Variants in GALNTL6 observed in about 807,000 individuals in gnomAD.
GALNTL6 encodes the protein polypeptide N-acetylgalactosaminyltransferase like 6.
Under a neutral mutation model 73.7 loss-of-function variants are expected in GALNTL6, and 46 were observed. The observed-to-expected ratio is 0.62, with a 90% CI of 0.49 to 0.80. The LOEUF (loss-of-function observed/expected upper bound fraction) is 0.80. Ranked by LOEUF, GALNTL6 falls within the 30% of genes least tolerant of loss-of-function variation. GALNTL6 has a pLI of 0.00. For synonymous variants in GALNTL6, 259 were observed against 263.7 expected (o/e 0.98, Z 0.17); for missense variants, 604 against 755.0 (o/e 0.80, Z 2.34).
At chr4:172,676,575 G>A (rs949690519) in intron 5 of GALNTL6, among the ~76,000 whole-genome samples, 6 of 152,094 alleles carry the variant, frequency 3.9e-5, no homozygotes, top group African/African-American at 9.7e-5. Flanking sequence ...TATTGGTTCC[G>A]CTTTCTTATA....
intron 2 of GALNTL6, among the ~76,000 whole-genome samples, chr4:171,953,895 G>A (rs1038065883): frequency 7.9e-5 from 12 of 152,018 alleles, no homozygotes; most frequent in Non-Finnish European, 1.8e-4. Context: ...CAATTGGTGA[G>A]GAATACATTT....
chr4:172,432,497 A>C (rs535412710), intron 5 of GALNTL6, among the ~76,000 whole-genome samples: 5 of 152,186 alleles, frequency 3.3e-5, no homozygotes, highest in African/African-American at 7.2e-5. Flanking sequence ...CTCATCTCAG[A>C]ACTTTTCTGA....
At position 172,328,046 on chromosome 4, in the gene GALNTL6, T is replaced by C. The variant is rs181746959; in HGVS notation, c.386+16294T>C. On this transcript the variant is annotated intron_variant, in intron 4 of 12. Coordinates refer to ENST00000506823, the MANE Select transcript of GALNTL6 (RefSeq NM_001034845.3). The stretch of plus-strand genomic sequence containing the variant: ...AACAATCTTCCCTTTTCATATTTAG[T>C]GCTCTTTTCAGGATTTTTTATAAGG... 7.8e-3 allele frequency among the ~76,000 whole-genome samples: 1,182 copies of C among 152,234 alleles called. 11 individuals are homozygous for C. The highest frequency in any genetic ancestry group is 0.013 in the Non-Finnish European group (904 of 67,992).
At chr4:172,760,706 T>C (rs1738032326) in intron 5 of GALNTL6, among the ~76,000 whole-genome samples, 1 of 152,160 alleles carries the variant, frequency 6.6e-6, no homozygotes, top group African/African-American at 2.4e-5. Flanking sequence ...TTCAGCCAGC[T>C]GCACTCACAC....
At chr4:172,232,392 G>A (rs1178317101) in intron 3 of GALNTL6, among the ~76,000 whole-genome samples, 2 of 151,682 alleles carry the variant, frequency 1.3e-5, no homozygotes, top group African/African-American at 2.4e-5. Flanking sequence ...CTAGGTCAAT[G>A]TGTGAAATGT....
chr4:172,822,164 C>A (rs1020420502), intron 7 of GALNTL6, among the ~76,000 whole-genome samples: 2 of 152,154 alleles, frequency 1.3e-5, no homozygotes, highest in Non-Finnish European at 2.9e-5. Flanking sequence ...CTTAAATTAG[C>A]AATCCCTGTT....
chr4:172,958,217 A>G (rs1749853228), intron 10 of GALNTL6, among the ~76,000 whole-genome samples: 1 of 152,214 alleles, frequency 6.6e-6, no homozygotes, highest in Non-Finnish European at 1.5e-5. Context: ...AGGGCCTCTA[A>G]AAGTATTAGG....
At chr4:172,911,792 T>A (rs1040255107) in intron 8 of GALNTL6, among the ~76,000 whole-genome samples, 1 of 152,220 alleles carries the variant, frequency 6.6e-6, no homozygotes, top group African/African-American at 2.4e-5. Context: ...CTAGGGGCAA[T>A]TATGAATTCC....
intron 10 of GALNTL6, among the ~76,000 whole-genome samples, chr4:173,001,509 T>C (rs1420543922): frequency 6.6e-6 from 1 of 152,028 alleles, no homozygotes; most frequent in African/African-American, 2.4e-5. Flanking sequence ...AGAAAACAAA[T>C]AGATAAATTG....
intron 7 of GALNTL6, among the ~76,000 whole-genome samples, chr4:172,872,795 T>C (rs919430373): frequency 1.3e-5 from 2 of 152,232 alleles, no homozygotes; most frequent in African/African-American, 4.8e-5. Flanking sequence ...GCATTTCCTC[T>C]TTTCTTGACT....
chr4:172,385,184 A>G (rs1561058682), intron 5 of GALNTL6, among the ~76,000 whole-genome samples: 1 of 151,938 alleles, frequency 6.6e-6, no homozygotes. Flanking sequence ...TTATCGAGGT[A>G]TGTTTTATAG....
At chr4:172,245,797 A>G (rs564009731) in intron 3 of GALNTL6, among the ~76,000 whole-genome samples, 1 of 152,248 alleles carries the variant, frequency 6.6e-6, no homozygotes, top group African/African-American at 2.4e-5. Flanking sequence ...TACCCACTAG[A>G]GAAGGAAAAG....
rs902860013 is a variant in GALNTL6 at position 172,062,488 on chromosome 4, A to G, written c.139-167168A>G. Among the ~76,000 whole-genome samples, 9 of 152,180 alleles carry G rather than the reference A, an allele frequency of 5.9e-5. 1 individual carries two copies. The highest frequency in any genetic ancestry group is 2.0e-4 in the Admixed American group (3 of 15,276). On this transcript the variant is annotated intron_variant, in intron 2 of 12. Transcript: ENST00000506823. ...CTTTCCCCAACCTCATGTCCCCAAA[A>G]CACACACATGTATTTTCTCCCTTCG...
intron 2 of GALNTL6, among the ~76,000 whole-genome samples, chr4:172,078,671 T>C (rs1484916317): frequency 2.6e-5 from 4 of 152,192 alleles, no homozygotes; most frequent in Non-Finnish European, 5.9e-5. Flanking sequence ...GTAGAACTAG[T>C]ATTTTAATAT....
intron 5 of GALNTL6, among the ~76,000 whole-genome samples, chr4:172,603,831 T>C (rs538739428): frequency 6.6e-6 from 1 of 152,306 alleles, no homozygotes; most frequent in South Asian, 2.1e-4. Context: ...GCACACACTA[T>C]GGTGACTTAG....
At chr4:171,853,392 C>T (rs1735582779) in intron 2 of GALNTL6, among the ~76,000 whole-genome samples, 1 of 151,718 alleles carries the variant, frequency 6.6e-6, no homozygotes, top group Non-Finnish European at 1.5e-5. Context: ...CTTCACCTTC[C>T]TTTCTTTTCC....
At chr4:172,109,911 A>T (rs1385554986) in intron 2 of GALNTL6, among the ~76,000 whole-genome samples, 1 of 152,252 alleles carries the variant, frequency 6.6e-6, no homozygotes, top group African/African-American at 2.4e-5. Flanking sequence ...TAAAATGCTT[A>T]TAAGTATGTA....
intron 2 of GALNTL6, among the ~76,000 whole-genome samples, chr4:171,993,782 G>A (rs914570550): frequency 6.6e-6 from 1 of 151,364 alleles, no homozygotes; most frequent in East Asian, 1.9e-4. Context: ...AAAACTTGGA[G>A]AAAGACATTA....
intron 5 of GALNTL6, among the ~76,000 whole-genome samples, chr4:172,642,612 G>A (rs966064993): frequency 1.3e-5 from 2 of 151,832 alleles, no homozygotes; most frequent in African/African-American, 4.8e-5. Flanking sequence ...CAAAATTTCA[G>A]TTAGGAGGAA....
Sources: gnomAD v4.1 joint callset for allele counts (sites outside exome capture counted in the v4.1 genomes callset) on GRCh38, gnomAD v4.1.1 for gene constraint, MANE v1.5 for transcripts, NCBI Gene and HGNC (gene_info 2026-07-23, HGNC 2026-07-21) for gene names.